The following KCNIP4 variants were observed in gnomAD, a reference collection of about 807,000 sequenced individuals.
KCNIP4 encodes the protein potassium voltage-gated channel interacting protein 4.
In KCNIP4, 12 loss-of-function variants were observed where a neutral mutation model predicts 34.0. The observed-to-expected ratio is 0.35, with a 90% confidence interval of 0.23 to 0.57. The LOEUF is 0.57. Ranked by LOEUF, KCNIP4 falls within the 20% of genes least tolerant of loss-of-function variation. The pLI, the probability that KCNIP4 is intolerant of heterozygous loss-of-function variation, is 0.83. For missense variants in KCNIP4, 238 were observed against 311.7 expected (o/e 0.76, Z 1.78); for synonymous variants, 124 against 102.2 (o/e 1.21, Z -1.29).
intron 1 of KCNIP4, among the ~76,000 whole-genome samples, chr4:20,912,085 C>G (rs1728381553): frequency 6.6e-6 from 1 of 152,124 alleles, no homozygotes; most frequent in Non-Finnish European, 1.5e-5. Context: ...CAAAGTAAGG[C>G]CTTCATAATC....
chr4:21,083,367 A>T (rs1746165753), intron 1 of KCNIP4, among the ~76,000 whole-genome samples: 1 of 151,786 alleles, frequency 6.6e-6, no homozygotes, highest in South Asian at 2.1e-4. Flanking sequence ...AGATATGCCT[A>T]GGTACTAATC....
At chr4:21,181,236 G>GT (rs901674647) in intron 1 of KCNIP4, among the ~76,000 whole-genome samples, 70 of 151,536 alleles carry the variant, frequency 4.6e-4, no homozygotes, top group Middle Eastern at 3.4e-3. Context: ...AGGGTGACAA[G>GT]TTTTTTTTTC....
At chr4:21,475,373 C>A (rs541888302) in intron 1 of KCNIP4, among the ~76,000 whole-genome samples, 1 of 152,130 alleles carries the variant, frequency 6.6e-6, no homozygotes, top group South Asian at 2.1e-4. Context: ...AAAGCGGAGC[C>A]CAGACCACCG....
intron 1 of KCNIP4, among the ~76,000 whole-genome samples, chr4:21,500,654 A>G (rs747138452): frequency 3.5e-4 from 53 of 152,266 alleles, no homozygotes; most frequent in African/African-American, 1.2e-3. Context: ...AGGGTACATT[A>G]GTGTTTTCTG....
intron 1 of KCNIP4, among the ~76,000 whole-genome samples, chr4:21,516,016 C>T (rs1734727365): frequency 6.6e-6 from 1 of 152,136 alleles, no homozygotes; most frequent in African/African-American, 2.4e-5. Context: ...TTCTTGCAGA[C>T]CAGCTGCAAA....
intron 1 of KCNIP4, among the ~76,000 whole-genome samples, chr4:21,014,227 TCTA>T (rs1414280075): frequency 6.6e-6 from 1 of 152,184 alleles, no homozygotes; most frequent in Non-Finnish European, 1.5e-5. Context: ...AAGAGGTCCT[TCTA>T]CTACAAGACC....
chr4:21,593,118 T>TG (rs3050026), intron 1 of KCNIP4, among the ~76,000 whole-genome samples: 77,954 of 141,210 alleles, frequency 0.55, 21,550 homozygotes, highest in East Asian at 0.85. Context: ...TGTGTGTGTG[T>TG]TTGTGTGTGT....
At chr4:21,332,514 C>T (rs1299225429) in intron 1 of KCNIP4, among the ~76,000 whole-genome samples, 2 of 151,832 alleles carry the variant, frequency 1.3e-5, no homozygotes, top group Non-Finnish European at 2.9e-5. Flanking sequence ...TACCTTCAAA[C>T]CTCCCTTCAA....
chr4:21,256,869 G>A (rs1761094331), intron 1 of KCNIP4, among the ~76,000 whole-genome samples: 1 of 152,178 alleles, frequency 6.6e-6, no homozygotes. Flanking sequence ...GCTGATGGCT[G>A]TGGAAATGGT....
At chr4:21,547,716 C>CAA (rs1336401890) in intron 1 of KCNIP4, among the ~76,000 whole-genome samples, 1 of 152,040 alleles carries the variant, frequency 6.6e-6, no homozygotes, top group Non-Finnish European at 1.5e-5. Context: ...CTTGAGACTA[C>CAA]AAGTGTTTTA....
At chr4:21,455,767 T>TACTATACTA (rs1728873667) in intron 1 of KCNIP4, among the ~76,000 whole-genome samples, 1 of 145,170 alleles carries the variant, frequency 6.9e-6, no homozygotes, top group Non-Finnish European at 1.5e-5. Flanking sequence ...CCTCTCCCTA[T>TACTATACTA]ATATGTATAG....
At chr4:21,816,079 T>C (rs895438198) in intron 1 of KCNIP4, among the ~76,000 whole-genome samples, 4 of 152,180 alleles carry the variant, frequency 2.6e-5, no homozygotes, top group African/African-American at 9.6e-5. Flanking sequence ...GTGACAACTC[T>C]GGGACATTTT....
At position 21,887,080 on chromosome 4, in the gene KCNIP4, T is replaced by G. The variant is rs1395948936; in HGVS notation, c.61+61491A>C. On this transcript the variant is annotated intron_variant, in intron 1 of 8. Coordinates refer to ENST00000382152, the MANE Select transcript of KCNIP4 (RefSeq NM_025221.6). The stretch of plus-strand genomic sequence containing the variant: ...ACAAATTTTTTTAAAAAGAGAAAAC[T>G]GACTTTGTGTAAAATATAGACTCTA... 4.6e-5 allele frequency among the ~76,000 whole-genome samples: 7 copies of G among 152,242 alleles called. No homozygotes were observed. In the East Asian group the frequency reaches 1.2e-3, roughly 25 times the overall value.
At chr4:21,254,398 G>A (rs886991545) in intron 1 of KCNIP4, among the ~76,000 whole-genome samples, 2 of 152,150 alleles carry the variant, frequency 1.3e-5, no homozygotes, top group South Asian at 2.1e-4. Flanking sequence ...ATCACCTGGA[G>A]TATTTGCTTG....
chr4:21,151,235 C>T (rs775753183), intron 1 of KCNIP4, among the ~76,000 whole-genome samples: 8 of 151,944 alleles, frequency 5.3e-5, no homozygotes, highest in Admixed American at 3.9e-4. Flanking sequence ...TATCATCAAT[C>T]GAGTCCTAAG....
intron 1 of KCNIP4, among the ~76,000 whole-genome samples, chr4:20,882,994 A>T (rs1167378108): frequency 7.0e-6 from 1 of 142,272 alleles, no homozygotes; most frequent in Non-Finnish European, 1.5e-5. Flanking sequence ...AAAAGCCACC[A>T]AAAAAATCTG....
intron 1 of KCNIP4, among the ~76,000 whole-genome samples, chr4:21,032,272 G>C (rs78085564): frequency 2.6e-5 from 4 of 152,110 alleles, no homozygotes; most frequent in Non-Finnish European, 5.9e-5. Context: ...TTGTGTTTGC[G>C]CTGGGCTTAG....
At chr4:21,593,977 A>G (rs1742424948) in intron 1 of KCNIP4, among the ~76,000 whole-genome samples, 1 of 152,140 alleles carries the variant, frequency 6.6e-6, no homozygotes, top group Non-Finnish European at 1.5e-5. Context: ...AACACCTACC[A>G]GCCAACATAA....
chr4:20,943,370 A>T (rs747942134), intron 1 of KCNIP4, among the ~76,000 whole-genome samples: 1 of 152,198 alleles, frequency 6.6e-6, no homozygotes, highest in East Asian at 1.9e-4. Context: ...AAGGTTGAGC[A>T]TCTATTAATA....
Sources: gnomAD v4.1 joint callset for allele counts (sites outside exome capture counted in the v4.1 genomes callset) on GRCh38, gnomAD v4.1.1 for gene constraint, MANE v1.5 for transcripts, NCBI Gene and HGNC (gene_info 2026-07-23, HGNC 2026-07-21) for gene names.